USH2A: variants seen among roughly 807,000 people sequenced by gnomAD.
USH2A encodes the protein usherin, also known as Usher syndrome 2A (autosomal recessive, mild).
A neutral mutation model predicts 538.9 loss-of-function variants in USH2A; 443 were observed. The ratio of observed to expected loss-of-function variants is 0.82; its 90% CI spans 0.76 to 0.89. The LOEUF (loss-of-function observed/expected upper bound fraction) is 0.89, where lower values mean the gene tolerates loss of function less well. Ranked by LOEUF, USH2A falls within the 40% of genes least tolerant of loss-of-function variation. USH2A has a pLI of 0.00. For synonymous variants in USH2A, 2,413 were observed against 2,273.5 expected, an observed-to-expected ratio of 1.06 and a Z score of -1.75; for missense variants, 6,633 against 6,324.8, an observed-to-expected ratio of 1.05 and a Z score of -1.65.
At position 216,422,339 on chromosome 1, in the gene USH2A, T is replaced by A. The variant is rs759201473; in HGVS notation, c.-3A>T. ...AATGAAAGAACTGGGCAATTCATGT[T>A]TACAAAAAAGCATTCTCCTCCTGAT... On this transcript the variant is annotated 5_prime_UTR_variant, in exon 2 of 72. The change abolishes the stop of an existing upstream ORF in the 5' untranslated region. Transcript: ENST00000307340. The A allele has an allele frequency of 1.2e-6, 2 of 1,613,624 alleles. No homozygotes were observed. Among genetic ancestry groups the A allele is most frequent in the Non-Finnish European group, 1.7e-6 (2 of 1,179,790 alleles).
chr1:215,820,594 TA>T (rs1487353636), intron 47 of USH2A, among the ~76,000 whole-genome samples: 1 of 151,838 alleles, frequency 6.6e-6, no homozygotes, highest in Non-Finnish European at 1.5e-5. Context: ...TAACAACATT[TA>T]AATTATTCCC....
intron 53 of USH2A, 75 bp downstream of exon 53, chr1:215,782,663 G>A: frequency 6.7e-7 from 1 of 1,486,860 alleles, no homozygotes; most frequent in Non-Finnish European, 9.3e-7. Context: ...GCAATTAAAT[G>A]TAGATTGTAC....
intron 52 of USH2A, 72 bp from the exon 53 acceptor site, chr1:215,783,007 A>T: frequency 7.0e-7 from 1 of 1,437,010 alleles, no homozygotes; most frequent in South Asian, 1.3e-5. Context: ...AAAAGTGAAT[A>T]TCAAAAACTT....
chr1:216,202,395 T>C (rs1041738017), intron 16 of USH2A, among the ~76,000 whole-genome samples: 3 of 152,228 alleles, frequency 2.0e-5, no homozygotes, highest in African/African-American at 2.4e-5. Context: ...AGGAATATCA[T>C]ATAAGGCAAT....
At chr1:216,392,531 A>G (rs993755440) in intron 3 of USH2A, among the ~76,000 whole-genome samples, 1 of 150,496 alleles carries the variant, frequency 6.6e-6, no homozygotes, top group Non-Finnish European at 1.5e-5. Flanking sequence ...AAAGTGTAGC[A>G]GTTCCCTGAA....
At chr1:215,648,285 G>A (rs572134318) in intron 66 of USH2A, among the ~76,000 whole-genome samples, 14 of 152,222 alleles carry the variant, frequency 9.2e-5, no homozygotes, top group South Asian at 4.1e-4. Flanking sequence ...AAAACATTTC[G>A]TTGTTCTCCT....
chr1:216,000,257 C>T lies in USH2A; in HGVS notation c.6485+146G>A, dbSNP rs552764469. On this transcript the variant is annotated intron_variant, in intron 33 of 71. Coordinates refer to ENST00000307340, the MANE Select transcript of USH2A (RefSeq NM_206933.4). ...GGAAATTAGGCTGGCAAGTGATAAT[C>T]AAAGGTTCCCAGATCCACTGAACTA... is the stretch of plus-strand genomic sequence containing the variant. 6.5e-4 allele frequency: 753 copies of T among 1,150,826 alleles called. 2 individuals are homozygous for T. Among genetic ancestry groups the T allele is most frequent in the Non-Finnish European group, 7.8e-4 (627 of 801,492 alleles). The allele number at this position is 1,150,826 out of a possible 1,614,324, so 71.3% of individuals were successfully genotyped here. A position where few individuals can be genotyped will look rare whatever the true frequency, so the allele number is the denominator to read the frequency against.
chr1:215,697,341 C>T (rs1258419256), intron 61 of USH2A, among the ~76,000 whole-genome samples: 1 of 152,040 alleles, frequency 6.6e-6, no homozygotes, highest in Admixed American at 6.6e-5. Flanking sequence ...CTCCTCTTGG[C>T]AAAGGCTGGT....
chr1:216,412,760 C>T (rs987256860), intron 3 of USH2A, among the ~76,000 whole-genome samples: 2 of 151,060 alleles, frequency 1.3e-5, no homozygotes, highest in Non-Finnish European at 3.0e-5. Flanking sequence ...TAGATCTGCT[C>T]AGTGACCCAT....
chr1:216,318,002 AT>A (rs1446559923), intron 9 of USH2A, among the ~76,000 whole-genome samples: 12 of 152,204 alleles, frequency 7.9e-5, no homozygotes, highest in Non-Finnish European at 1.3e-4. Flanking sequence ...AATGAATAGT[AT>A]TTTGTACGGA....
intron 4 of USH2A, among the ~76,000 whole-genome samples, chr1:216,337,878 A>G (rs1274823322): frequency 6.6e-6 from 1 of 151,382 alleles, no homozygotes; most frequent in Non-Finnish European, 1.5e-5. Flanking sequence ...CAATAAATAT[A>G]AAATGCAATT....
intron 61 of USH2A, among the ~76,000 whole-genome samples, chr1:215,689,296 T>C (rs12145122): frequency 0.38 from 57,195 of 152,042 alleles, 10,859 homozygotes; most frequent in South Asian, 0.56. Flanking sequence ...TATCCAATTG[T>C]CTTGTTAACC....
chr1:216,120,336 G>T (rs929806249), intron 21 of USH2A, among the ~76,000 whole-genome samples: 3 of 151,012 alleles, frequency 2.0e-5, no homozygotes, highest in Admixed American at 2.0e-4. Flanking sequence ...GGAGATTGAG[G>T]CCAGCCTGGC....
intron 1 of USH2A, 65 bp from the exon 2 acceptor site, chr1:216,422,605 C>G (rs2039698608): frequency 2.3e-6 from 1 of 443,448 alleles, no homozygotes; most frequent in African/African-American, 2.0e-5. Flanking sequence ...AAGCTCATCC[C>G]AGGCCTGAGG....
At chr1:215,805,147 T>C (rs1662460679) in intron 49 of USH2A, among the ~76,000 whole-genome samples, 3 of 148,284 alleles carry the variant, frequency 2.0e-5, no homozygotes, top group South Asian at 4.3e-4. Flanking sequence ...GGTGGGGAGA[T>C]GGGGGAGGGA....
chr1:216,095,425 T>A (rs1196024759), intron 22 of USH2A, among the ~76,000 whole-genome samples: 3 of 152,224 alleles, frequency 2.0e-5, no homozygotes, highest in African/African-American at 4.8e-5. Context: ...GCTGATTTTT[T>A]AAAAATTTTT....
chr1:216,109,085 G>T (rs1276149466), intron 21 of USH2A, among the ~76,000 whole-genome samples: 1 of 151,988 alleles, frequency 6.6e-6, no homozygotes, highest in African/African-American at 2.4e-5. Context: ...ACTTGGCTGG[G>T]ACTATAAATA....
intron 11 of USH2A, among the ~76,000 whole-genome samples, chr1:216,286,787 T>G (rs2036895061): frequency 6.6e-6 from 1 of 152,088 alleles, no homozygotes; most frequent in South Asian, 2.1e-4. Context: ...CTGTCTTGGG[T>G]ATTTCTTCCC....
chr1:215,781,953 C>T, intron 54 of USH2A, 89 bp downstream of exon 54: 1 of 1,567,078 alleles, frequency 6.4e-7, no homozygotes, highest in Non-Finnish European at 8.8e-7. Context: ...ACATTGTTTT[C>T]TTCAATGAAA....
Sources: allele counts gnomAD v4.1 joint callset (sites outside exome capture counted in the v4.1 genomes callset), GRCh38; gene constraint gnomAD v4.1.1; transcripts MANE v1.5; gene names NCBI Gene and HGNC (gene_info 2026-07-23, HGNC 2026-07-21).